The following RASA3 variants were observed in gnomAD, a reference collection of about 807,000 sequenced individuals.
RASA3 encodes the protein RAS p21 protein activator 3.
Under a neutral mutation model 110.0 loss-of-function variants are expected in RASA3, and 73 were observed. The observed-to-expected ratio is 0.66, with a 90% CI of 0.55 to 0.81. The LOEUF is 0.81. Ranked by LOEUF, RASA3 falls within the 30% of genes least tolerant of loss-of-function variation. The pLI is 0.00. For synonymous variants in RASA3, 500 were observed against 451.4 expected (o/e 1.11, Z -1.37); for missense variants, 976 against 1,113.2 (o/e 0.88, Z 1.75).
intron 8 of RASA3, among the ~76,000 whole-genome samples, chr13:114,023,137 T>C (rs554264425): frequency 8.5e-5 from 13 of 152,206 alleles, no homozygotes; most frequent in Admixed American, 2.0e-4. Flanking sequence ...CCCAGGGCAG[T>C]GTTAGCCCCT....
In RASA3 at chr13:114,115,736, A is replaced by G. The variant is rs747921702; in HGVS notation, c.55+16699T>C. Among the ~76,000 whole-genome samples, 13 of 152,248 alleles carry G rather than the reference A, an allele frequency of 8.5e-5. No individual in the cohort carries two copies. The highest frequency in any genetic ancestry group is 2.6e-4 in the African/African-American group (11 of 41,540). ...GAAACAGCCGCAGTCTCCTACCTCT[A>G]TTGCTTCTCAAGGGAAAAGCACAGC... On this transcript the variant is annotated intron_variant, in intron 1 of 23. Transcript: ENST00000334062. The surrounding 1 kb of genome is among the most constrained non-coding windows in gnomAD (Gnocchi z 5.0).
chr13:114,100,375 T>C (rs1177186514), intron 1 of RASA3, among the ~76,000 whole-genome samples: 1 of 152,190 alleles, frequency 6.6e-6, no homozygotes, highest in East Asian at 1.9e-4. Context: ...TTTAGACTCT[T>C]GTGCGCAACA....
At chr13:113,990,374 C>T (rs2053079679) in intron 22 of RASA3, among the ~76,000 whole-genome samples, 1 of 152,214 alleles carries the variant, frequency 6.6e-6, no homozygotes, top group African/African-American at 2.4e-5. Context: ...ATGCGGGGCG[C>T]ACGGCCTAGG....
At chr13:113,984,684 T>C (rs1364536087) in intron 22 of RASA3, among the ~76,000 whole-genome samples, 2 of 87,018 alleles carry the variant, frequency 2.3e-5, no homozygotes, top group Non-Finnish European at 5.2e-5. Flanking sequence ...CCATCACTCA[T>C]CCATCTGTCT....
intron 1 of RASA3, among the ~76,000 whole-genome samples, chr13:114,079,390 G>A (rs1285029515): frequency 1.3e-5 from 2 of 152,214 alleles, no homozygotes; most frequent in African/African-American, 4.8e-5. Flanking sequence ...AGACCCTGCG[G>A]GAGAATTGGA....
chr13:114,039,490 C>T (rs1425194916), intron 4 of RASA3, among the ~76,000 whole-genome samples: 1 of 151,322 alleles, frequency 6.6e-6, no homozygotes, highest in South Asian at 2.1e-4. Flanking sequence ...TCCCAGGGAC[C>T]CTGTGCCGCA....
intron 1 of RASA3, among the ~76,000 whole-genome samples, chr13:114,116,579 TAA>T (rs760868043): frequency 7.5e-6 from 1 of 133,274 alleles, no homozygotes; most frequent in Non-Finnish European, 1.7e-5. Context: ...TTTGTAATGA[TAA>T]AAGTTTTTAT....
chr13:114,011,681 G>C lies in RASA3; in HGVS notation c.1513-433C>G, dbSNP rs536020786. On this transcript the variant is annotated intron_variant, in intron 15 of 23. Transcript: ENST00000334062. This position sits in a 1 kb window ranked among gnomAD's most constrained non-coding sequence, Gnocchi z 4.8. ...CTCACGCCTGTAATCCCAGCACTTCGGGAGGCCGAGGCAGGTAGATCACTT... is the reference window on the plus strand; with the variant it reads ...CTCACGCCTGTAATCCCAGCACTTCCGGAGGCCGAGGCAGGTAGATCACTT... Among the ~76,000 whole-genome samples, 10 of 152,028 alleles carry C rather than the reference G, an allele frequency of 6.6e-5. No homozygotes were observed. Among genetic ancestry groups the C allele is most frequent in the Non-Finnish European group, 1.5e-5 (1 of 67,996 alleles).
At position 114,020,183 on chromosome 13, in the gene RASA3, C is replaced by CAG. The variant is rs1303858331; in HGVS notation, c.785+1220_785+1221insCT. Among the ~76,000 whole-genome samples, 55 of 51,508 alleles carry CAG rather than the reference C, an allele frequency of 1.1e-3. 15 individuals are homozygous for CAG. Among genetic ancestry groups the CAG allele is most frequent in the South Asian group, 2.8e-3 (4 of 1,434 alleles). The allele number at this position is 51,508 out of a possible 152,430, so 33.8% of individuals were successfully genotyped here. A position where few individuals can be genotyped will look rare whatever the true frequency, so the allele number is the denominator to read the frequency against. On this transcript the variant is annotated intron_variant, in intron 9 of 23. Transcript: ENST00000334062. Reference sequence around the variant, plus strand: ...GTGGAGCCTGTGTCCGAGGCATTAGCCCCCGCCAGGTGGGTGGAGCCTGTG... The same window carrying CAG: ...GTGGAGCCTGTGTCCGAGGCATTAGCAGCCCCGCCAGGTGGGTGGAGCCTGTG...
Position 113,979,272 on chromosome 13 carries a change from C to A in RASA3, c.*75G>T, listed in dbSNP as rs901660272. 16 of 1,396,046 alleles carry A rather than the reference C, an allele frequency of 1.1e-5. No individual in the cohort carries two copies. The highest frequency in any genetic ancestry group is 1.7e-5 in the Admixed American group (1 of 59,544). The allele number at this position is 1,396,046 out of a possible 1,614,324, so 86.5% of individuals were successfully genotyped here. On this transcript the variant is annotated 3_prime_UTR_variant, in exon 24 of 24. Transcript: ENST00000334062. Reference sequence around the variant, plus strand: ...TCACTTTGCCGGCTCTGCGCTCTTCCTTCTCTTCTCCCTCCCAAAGGCTGC... The same window carrying A: ...TCACTTTGCCGGCTCTGCGCTCTTCATTCTCTTCTCCCTCCCAAAGGCTGC...
chr13:113,979,032 C>T lies in RASA3; in HGVS notation c.*315G>A. On this transcript the variant is annotated 3_prime_UTR_variant, in exon 24 of 24. Coordinates refer to ENST00000334062, the MANE Select transcript of RASA3 (RefSeq NM_007368.4). Reference sequence around the variant, plus strand: ...CTAGACGGGCCGTGGCTCCCTGAGGCTGGCTGTGGTGTGGCTAGGGCACAG... The same window carrying T: ...CTAGACGGGCCGTGGCTCCCTGAGGTTGGCTGTGGTGTGGCTAGGGCACAG... The T allele has an allele frequency of 2.6e-6, 1 of 386,934 alleles. No individual in the cohort carries two copies. The highest frequency in any genetic ancestry group is 3.1e-5 in the South Asian group (1 of 32,396). 24.0% of individuals were successfully genotyped at this position (386,934 alleles called of 1,614,324 possible).
At chr13:113,991,703 G>A (rs1198843890) in intron 22 of RASA3, among the ~76,000 whole-genome samples, 2 of 152,204 alleles carry the variant, frequency 1.3e-5, no homozygotes, top group African/African-American at 4.8e-5. Context: ...GCCTGGCACT[G>A]TTTCAAATAT....
At chr13:113,993,827 AAAAAG>A (rs1555324884) in intron 21 of RASA3, among the ~76,000 whole-genome samples, 5 of 125,610 alleles carry the variant, frequency 4.0e-5, no homozygotes, top group South Asian at 2.7e-4. Flanking sequence ...AAAAAAAAAA[AAAAAG>A]AAAAGAAAAG....
At chr13:114,110,433 G>T (rs1029309054) in intron 1 of RASA3, among the ~76,000 whole-genome samples, 5 of 152,208 alleles carry the variant, frequency 3.3e-5, no homozygotes, top group African/African-American at 7.2e-5. Flanking sequence ...AGGTGAAATG[G>T]ATACAGTCCG....
At position 113,978,089 on chromosome 13, in the gene RASA3, C is replaced by T. The variant is rs1566432596; in HGVS notation, c.*1258G>A. On this transcript the variant is annotated 3_prime_UTR_variant, in exon 24 of 24. Transcript: ENST00000334062. ...TAAACGGCGCTTCCCACACACCTGC[C>T]GTCTGCATCCCGGGAGGACGCCCTT... is the stretch of plus-strand genomic sequence containing the variant. 6.6e-6 allele frequency: 1 copy of T among 152,224 alleles called. No homozygotes were observed. The highest frequency in any genetic ancestry group is 1.5e-5 in the Non-Finnish European group (1 of 68,044). The allele number at this position is 152,224 out of a possible 1,614,324, so 9.4% of individuals were successfully genotyped here.
intron 1 of RASA3, among the ~76,000 whole-genome samples, chr13:114,110,927 G>A (rs893095826): frequency 2.0e-5 from 3 of 152,148 alleles, no homozygotes; most frequent in African/African-American, 7.2e-5. Context: ...GTCGGGGGCT[G>A]AGCCACGCTC....
chr13:114,131,338 C>T (rs1409480622), intron 1 of RASA3, among the ~76,000 whole-genome samples: 1 of 152,154 alleles, frequency 6.6e-6, no homozygotes, highest in East Asian at 1.9e-4. Flanking sequence ...CACTGCAGGC[C>T]CTGGAAGCCT....
At chr13:114,010,531 C>T (rs539709670) in intron 16 of RASA3, among the ~76,000 whole-genome samples, 5 of 150,542 alleles carry the variant, frequency 3.3e-5, no homozygotes, top group South Asian at 2.1e-4. Context: ...TCTGAAGGGA[C>T]GAGGATGGAG....
At chr13:114,062,961 C>A (rs61973909) in intron 2 of RASA3, among the ~76,000 whole-genome samples, 45 of 152,258 alleles carry the variant, frequency 3.0e-4, no homozygotes, top group African/African-American at 1.1e-3. Flanking sequence ...GAGGCACAGC[C>A]GGCGACAGAA....
Sources: gnomAD v4.1 joint callset for allele counts (sites outside exome capture counted in the v4.1 genomes callset) on GRCh38, gnomAD v4.1.1 for gene constraint, Gnocchi (gnomAD v3.1) non-coding constraint, MANE v1.5 for transcripts, NCBI Gene and HGNC (gene_info 2026-07-23, HGNC 2026-07-21) for gene names.